Variants in PPFIA2 observed in about 807,000 individuals in gnomAD.
PPFIA2 encodes PPFI scaffold protein A2, also known as liprin-alpha-2.
In PPFIA2, 46 loss-of-function variants were observed where a neutral mutation model predicts 175.5. The ratio of observed to expected loss-of-function variants is 0.26; its 90% CI spans 0.21 to 0.34. The LOEUF (loss-of-function observed/expected upper bound fraction) is 0.34. Ranked by LOEUF, PPFIA2 falls within the 10% of genes least tolerant of loss-of-function variation. The pLI, the probability that PPFIA2 is intolerant of heterozygous loss-of-function variation, is 1.00. For missense variants in PPFIA2, 1,179 were observed against 1,506.1 expected (o/e 0.78, Z 3.60); for synonymous variants, 568 against 511.4 (o/e 1.11, Z -1.49).
chr12:81,338,255 A>G (rs1354737952), intron 21 of PPFIA2, among the ~76,000 whole-genome samples: 1 of 152,090 alleles, frequency 6.6e-6, no homozygotes, highest in Non-Finnish European at 1.5e-5. Context: ...TCCATTCAGC[A>G]CTTACCACTG....
At chr12:81,425,188 TG>T (rs2046930920) in intron 7 of PPFIA2, among the ~76,000 whole-genome samples, 1 of 152,138 alleles carries the variant, frequency 6.6e-6, no homozygotes, top group South Asian at 2.1e-4. Flanking sequence ...CCTCGTAATG[TG>T]GGGATCCATC....
chr12:81,273,878 TC>T (rs1264504718), intron 28 of PPFIA2, among the ~76,000 whole-genome samples: 1 of 148,686 alleles, frequency 6.7e-6, no homozygotes, highest in Non-Finnish European at 1.5e-5. Context: ...TGCCTCTTTC[TC>T]CCCGCCCCCC....
intron 12 of PPFIA2, 108 bp downstream of exon 12, chr12:81,369,003 T>C (rs926816138): frequency 2.4e-5 from 31 of 1,277,928 alleles, no homozygotes; most frequent in Middle Eastern, 2.1e-4. Context: ...CAGGTCATAT[T>C]TGTAAGTTTT....
At chr12:81,285,608 G>A (rs1450745144) in intron 24 of PPFIA2, among the ~76,000 whole-genome samples, 1 of 152,066 alleles carries the variant, frequency 6.6e-6, no homozygotes, top group African/African-American at 2.4e-5. Context: ...GAGCTGAAAA[G>A]TTCCTGTCAC....
At chr12:81,516,798 C>T (rs78934571) in intron 4 of PPFIA2, among the ~76,000 whole-genome samples, 2,092 of 152,250 alleles carry the variant, frequency 0.014, 50 homozygotes, top group African/African-American at 0.048. Flanking sequence ...TTATGGCAGC[C>T]TCAGCCAACT....
At chr12:81,641,898 G>T (rs554836419) in intron 4 of PPFIA2, among the ~76,000 whole-genome samples, 2 of 152,146 alleles carry the variant, frequency 1.3e-5, no homozygotes, top group Non-Finnish European at 2.9e-5. Flanking sequence ...CTCTGCTCTA[G>T]TCAAACTGAA....
chr12:81,667,041 T>C (rs1352863729), intron 4 of PPFIA2, among the ~76,000 whole-genome samples: 1 of 152,114 alleles, frequency 6.6e-6, no homozygotes, highest in Non-Finnish European at 1.5e-5. Flanking sequence ...ATGTGTACAC[T>C]TGACACTAAT....
intron 4 of PPFIA2, among the ~76,000 whole-genome samples, chr12:81,543,816 A>T (rs1344242402): frequency 8.5e-5 from 13 of 152,296 alleles, no homozygotes; most frequent in African/African-American, 3.1e-4. Flanking sequence ...TGTTAATGGC[A>T]CTTTACCTCT....
At chr12:81,664,332 C>A (rs1407970408) in intron 4 of PPFIA2, among the ~76,000 whole-genome samples, 1 of 152,000 alleles carries the variant, frequency 6.6e-6, no homozygotes, top group East Asian at 1.9e-4. Context: ...AGAACTCAAA[C>A]AAATTTACAA....
rs566116411 is a variant in PPFIA2, at chr12:81,660,001, G to A, written c.303+16790C>T. 3.9e-5 allele frequency among the ~76,000 whole-genome samples: 6 copies of A among 152,244 alleles called. No individual in the cohort carries two copies. The South Asian group carries it at 1.2e-3, about 32-fold the overall frequency. ...AGCTGAGGGTCCTGACTGTTAGAAGGAAAACTAACAAACAGAAAGGACACC... is the reference window on the plus strand; with the variant it reads ...AGCTGAGGGTCCTGACTGTTAGAAGAAAAACTAACAAACAGAAAGGACACC... On this transcript the variant is annotated intron_variant, in intron 4 of 32. Coordinates refer to ENST00000549396, the MANE Select transcript of PPFIA2 (RefSeq NM_003625.5).
intron 22 of PPFIA2, among the ~76,000 whole-genome samples, chr12:81,314,681 C>A (rs1285263186): frequency 6.6e-6 from 1 of 151,850 alleles, no homozygotes; most frequent in Non-Finnish European, 1.5e-5. Flanking sequence ...CTGTTATAAA[C>A]TAGTCAATTC....
intron 3 of PPFIA2, among the ~76,000 whole-genome samples, chr12:81,733,287 T>G (rs2081157419): frequency 6.6e-6 from 1 of 151,602 alleles, no homozygotes; most frequent in Non-Finnish European, 1.5e-5. Context: ...GTTCTTGACT[T>G]TCTTTGACTC....
intron 7 of PPFIA2, among the ~76,000 whole-genome samples, chr12:81,408,032 T>C (rs2043237629): frequency 6.6e-6 from 1 of 152,182 alleles, no homozygotes; most frequent in Non-Finnish European, 1.5e-5. Context: ...ACTAAAAATG[T>C]GTTGAATTAA....
chr12:81,598,620 G>A (rs1019255105), intron 4 of PPFIA2, among the ~76,000 whole-genome samples: 1 of 149,148 alleles, frequency 6.7e-6, no homozygotes, highest in South Asian at 2.1e-4. Context: ...AACAAGATGT[G>A]ATTTTTTTTT....
intron 4 of PPFIA2, among the ~76,000 whole-genome samples, chr12:81,529,798 C>A (rs1237991418): frequency 2.0e-5 from 3 of 151,678 alleles, no homozygotes; most frequent in African/African-American, 7.3e-5. Context: ...TGGAGGAGAA[C>A]AACACACACA....
intron 4 of PPFIA2, among the ~76,000 whole-genome samples, chr12:81,537,159 T>A (rs186632329): frequency 7.9e-5 from 12 of 151,842 alleles, no homozygotes; most frequent in African/African-American, 2.7e-4. Context: ...AAATTTAATA[T>A]GGAACACTTG....
At chr12:81,669,173 C>T (rs2070939889) in intron 4 of PPFIA2, among the ~76,000 whole-genome samples, 1 of 151,868 alleles carries the variant, frequency 6.6e-6, no homozygotes, top group Non-Finnish European at 1.5e-5. Context: ...TATTTCTTTC[C>T]CTACCATAAA....
At chr12:81,407,632 A>T (rs1260113467) in intron 7 of PPFIA2, among the ~76,000 whole-genome samples, 3 of 152,140 alleles carry the variant, frequency 2.0e-5, no homozygotes, top group Non-Finnish European at 4.4e-5. Context: ...CCTTTGCTTC[A>T]GCGACACTGG....
chr12:81,434,625 T>G (rs1178270601), intron 7 of PPFIA2, among the ~76,000 whole-genome samples: 1 of 152,074 alleles, frequency 6.6e-6, no homozygotes, highest in Non-Finnish European at 1.5e-5. Flanking sequence ...GGAATAGCAG[T>G]ACATTAGGAG....
Sources: allele counts gnomAD v4.1 joint callset (sites outside exome capture counted in the v4.1 genomes callset), GRCh38; gene constraint gnomAD v4.1.1; transcripts MANE v1.5; gene names NCBI Gene and HGNC (gene_info 2026-07-23, HGNC 2026-07-21).